The following HERC6 variants were observed in gnomAD, a reference collection of about 807,000 sequenced individuals.
The protein encoded by HERC6 is probable E3 ubiquitin-protein ligase HERC6.
In HERC6, 101 loss-of-function variants were observed where a neutral mutation model predicts 114.5. The observed-to-expected ratio is 0.88, with a 90% CI of 0.75 to 1.04. The LOEUF is 1.04. HERC6 is among the 50% of genes least tolerant of loss of function. The probability of loss-of-function intolerance (pLI) is 0.00; values close to 1 mark genes in which losing one functional copy is unlikely to be tolerated. For synonymous variants in HERC6, 408 were observed against 436.2 expected (o/e 0.94, Z 0.81); for missense variants, 1,133 against 1,230.9 (o/e 0.92, Z 1.19).
At chr4:88,401,595 G>C (rs1415173059) in intron 8 of HERC6, among the ~76,000 whole-genome samples, 1 of 151,918 alleles carries the variant, frequency 6.6e-6, no homozygotes, top group Admixed American at 6.6e-5. Context: ...GTGATTGAGG[G>C]GTTTGAACAG....
At chr4:88,403,110 G>A (rs1735630419) in intron 8 of HERC6, among the ~76,000 whole-genome samples, 1 of 152,190 alleles carries the variant, frequency 6.6e-6, no homozygotes, top group African/African-American at 2.4e-5. Flanking sequence ...TCCAGACAGT[G>A]ATTTTTGAAA....
rs761166798 is a variant in HERC6 at position 88,390,765 on chromosome 4, G to T, written c.550G>T (p.Ala184Ser). The T allele has an allele frequency of 5.0e-6, 8 of 1,614,088 alleles. No individual in the cohort carries two copies. The Admixed American group carries it at 1.2e-4, about 24-fold the overall frequency. ...RVRSLEGIPL[A>S]QVAAGGAHSF... Reference sequence around the variant, plus strand: ...GAGGTCCCTGGAGGGGATCCCACTGGCTCAGGTGGCTGCCGGAGGGGCTCA... The same window carrying T: ...GAGGTCCCTGGAGGGGATCCCACTGTCTCAGGTGGCTGCCGGAGGGGCTCA... Residue 184 changes from alanine to serine, a missense_variant, in exon 4 of 23, where the codon GCT (alanine) becomes TCT (serine). Physicochemically the swap from Ala to Ser is moderately conservative, Grantham distance 99. Transcript: ENST00000264346.
intron 17 of HERC6, among the ~76,000 whole-genome samples, chr4:88,432,485 C>T (rs567500825): frequency 5.4e-4 from 82 of 151,896 alleles, no homozygotes; most frequent in Middle Eastern, 3.4e-3. Flanking sequence ...TTTGGGAGGC[C>T]GAGGTGGGGG....
chr4:88,414,195 G>C (rs937261228), intron 12 of HERC6, among the ~76,000 whole-genome samples: 3 of 152,270 alleles, frequency 2.0e-5, no homozygotes, highest in South Asian at 2.1e-4. Flanking sequence ...CAGAGGGCCA[G>C]GCATTGTGGC....
intron 3 of HERC6, among the ~76,000 whole-genome samples, chr4:88,389,542 A>G (rs1734779760): frequency 6.6e-6 from 1 of 152,094 alleles, no homozygotes. Flanking sequence ...TCTGGGTCAA[A>G]GGGTGTAAAA....
At chr4:88,421,451 C>CT (rs200388722) in intron 13 of HERC6, among the ~76,000 whole-genome samples, 19,510 of 133,810 alleles carry the variant, frequency 0.15, 1,780 homozygotes, top group East Asian at 0.45. Context: ...CTTTTCTTTT[C>CT]TTTTTTTTTT....
rs1017301473 is a variant in HERC6, at chr4:88,424,519, G to C, written c.1828-76G>C. The C allele has an allele frequency of 2.8e-6, 3 of 1,069,614 alleles. No homozygotes were observed. The African/African-American group carries it at 4.9e-5, about 18-fold the overall frequency. The allele number at this position is 1,069,614 out of a possible 1,614,324, so 66.3% of individuals were successfully genotyped here. A position where few individuals can be genotyped will look rare whatever the true frequency, so the allele number is the denominator to read the frequency against. On this transcript the variant is annotated intron_variant, in intron 14 of 22. Transcript: ENST00000264346. ...CACAAAAACCAGATTCCAAAAAAAA[G>C]GCGATAAGGTAAAGGAAGTAAGTTT...
In HERC6 at chr4:88,398,156, C is replaced by T. The variant is rs1209328133; in HGVS notation, c.1039C>T (p.Gln347Ter). ...LISAEDFVDV[Q>*]VKHIFAGTYA... Reference sequence around the variant, plus strand: ...CTTTCTTTTAGACTTCGTGGATGTTCAAGTCAAACACATTTTTGCTGGAAC... The same window carrying T: ...CTTTCTTTTAGACTTCGTGGATGTTTAAGTCAAACACATTTTTGCTGGAAC... Residue 347 changes from glutamine (Q) to a stop codon, truncating the protein, a stop_gained, in exon 8 of 23, where the codon CAA becomes TAA. Transcript: ENST00000264346. LOFTEE classifies it high-confidence loss of function. 2.5e-6 allele frequency: 4 copies of T among 1,594,426 alleles called. No individual in the cohort carries two copies. Among genetic ancestry groups the T allele is most frequent in the Non-Finnish European group, 2.6e-6 (3 of 1,170,056 alleles).
intron 7 of HERC6, among the ~76,000 whole-genome samples, 156 bp downstream of exon 7, chr4:88,397,143 G>A (rs1056694713): frequency 4.6e-5 from 7 of 150,880 alleles, no homozygotes; most frequent in Non-Finnish European, 7.4e-5. Flanking sequence ...ATGGAGTTTC[G>A]CTCTTGTTGC....
chr4:88,393,255 T>G (rs980102807), intron 4 of HERC6, among the ~76,000 whole-genome samples: 2 of 151,870 alleles, frequency 1.3e-5, no homozygotes, highest in African/African-American at 4.8e-5. Context: ...TTTAAAATTA[T>G]GTTAATGAAT....
chr4:88,414,042 G>GT (rs1736283060), intron 12 of HERC6, among the ~76,000 whole-genome samples: 1 of 152,172 alleles, frequency 6.6e-6, no homozygotes, highest in Admixed American at 6.5e-5. Flanking sequence ...AGTGGGTCCA[G>GT]TCTTAAGGTA....
chr4:88,412,996 C>A, intron 11 of HERC6, 81 bp from the exon 12 acceptor site: 1 of 1,026,066 alleles, frequency 9.7e-7, no homozygotes, highest in Non-Finnish European at 1.4e-6. Context: ...GAGTGAAACC[C>A]TTAATTTCAC....
chr4:88,410,240 C>T (rs1446508513), intron 11 of HERC6, among the ~76,000 whole-genome samples: 1 of 152,100 alleles, frequency 6.6e-6, no homozygotes, highest in African/African-American at 2.4e-5. Flanking sequence ...ATAAGATGAA[C>T]ACTGGTTTGG....
At position 88,428,763 on chromosome 4, in the gene HERC6, G is replaced by C; in HGVS notation, c.2106+13G>C. 1 of 1,493,684 alleles carries C rather than the reference G, an allele frequency of 6.7e-7. No individual in the cohort carries two copies. Among genetic ancestry groups the C allele is most frequent in the Non-Finnish European group, 8.9e-7 (1 of 1,123,304 alleles). 92.5% of individuals were successfully genotyped at this position (1,493,684 alleles called of 1,614,324 possible). A position where few individuals can be genotyped will look rare whatever the true frequency, so the allele number is the denominator to read the frequency against. ...CAAAGTATTAGTGGTACAGTAAAAA[G>C]TCTCATTGAACATTTTTACTTCTGT... On this transcript the variant is annotated intron_variant, in intron 16 of 22. Coordinates refer to ENST00000264346, the MANE Select transcript of HERC6 (RefSeq NM_017912.4).
chr4:88,423,240 T>C (rs1049664518), intron 13 of HERC6, among the ~76,000 whole-genome samples: 1 of 152,162 alleles, frequency 6.6e-6, no homozygotes, highest in Non-Finnish European at 1.5e-5. Flanking sequence ...TGGAGGCATT[T>C]AGATCATTTA....
chr4:88,412,653 C>G (rs1736179748), intron 11 of HERC6, among the ~76,000 whole-genome samples: 1 of 152,114 alleles, frequency 6.6e-6, no homozygotes, highest in South Asian at 2.1e-4. Flanking sequence ...TTTTTCTCTG[C>G]AAATTTTTCT....
rs775039958 is a variant in HERC6 at position 88,424,613 on chromosome 4, A to G, written c.1846A>G (p.Ser616Gly). ...TTTTTAGATACCTGCAGAAACCCCCAGTCCTGTTATTTTCAGTGATTTTCC... is the reference window on the plus strand; with the variant it reads ...TTTTTAGATACCTGCAGAAACCCCCGGTCCTGTTATTTTCAGTGATTTTCC... ...DNHLIPAETP[S>G]PVIFSDFPFI... Residue 616 changes from serine to glycine, a missense_variant, in exon 15 of 23, where the codon AGT becomes GGT. Around this residue, in one of 3 missense-constraint regions of HERC6, gnomAD observed 735 missense variants for 754.0 expected, o/e 0.97. Coordinates refer to ENST00000264346, the MANE Select transcript of HERC6 (RefSeq NM_017912.4). 2 of 1,608,606 alleles carry G rather than the reference A, an allele frequency of 1.2e-6. No individual in the cohort carries two copies. The highest frequency in any genetic ancestry group is 3.4e-5 in the Admixed American group (2 of 59,700).
chr4:88,405,793 A>G lies in HERC6; in HGVS notation c.1274+180A>G, dbSNP rs993158401. ...TGAAGTAATTTTCTATTAGACTACC[A>G]TAAGTTATAATTCCTAATTAATATT... On this transcript the variant is annotated intron_variant, in intron 10 of 22. Transcript: ENST00000264346. Among the ~76,000 whole-genome samples, 8 of 152,222 alleles carry G rather than the reference A, an allele frequency of 5.3e-5. No homozygotes were observed. Among genetic ancestry groups the G allele is most frequent in the African/African-American group, 1.7e-4 (7 of 41,466 alleles).
chr4:88,408,457 C>A, intron 10 of HERC6, 67 bp from the exon 11 acceptor site: 1 of 950,344 alleles, frequency 1.1e-6, no homozygotes, highest in Non-Finnish European at 1.7e-6. Context: ...CAACAAATGA[C>A]ATACAAACTT....
Sources: allele counts gnomAD v4.1 joint callset (sites outside exome capture counted in the v4.1 genomes callset), GRCh38; gene constraint gnomAD v4.1.1; regional missense constraint gnomAD v4.1.1; transcripts MANE v1.5; gene names NCBI Gene and HGNC (gene_info 2026-07-23, HGNC 2026-07-21).